ARPC5L: variants seen among roughly 807,000 people sequenced by gnomAD.
ARPC5L encodes actin related protein 2/3 complex subunit 5 like.
Under a neutral mutation model 16.9 loss-of-function variants are expected in ARPC5L, and 4 were observed. The ratio of observed to expected loss-of-function variants is 0.24; its 90% CI spans 0.12 to 0.54. ARPC5L has a LOEUF of 0.54. Among genes scored for constraint, ARPC5L ranks in the 20% least tolerant of loss-of-function variants. The probability of loss-of-function intolerance (pLI) is 0.95; values close to 1 mark genes in which losing one functional copy is unlikely to be tolerated. For synonymous variants in ARPC5L, 78 were observed against 82.6 expected (o/e 0.94, Z 0.30); for missense variants, 151 against 201.9 (o/e 0.75, Z 1.53).
chr9:124,869,622 C>G (rs902527300), intron 3 of ARPC5L, among the ~76,000 whole-genome samples, 183 bp downstream of exon 3: 27 of 152,216 alleles, frequency 1.8e-4, no homozygotes. Flanking sequence ...CCCAGTCTCC[C>G]TGGGTCCCTC....
intron 4 of ARPC5L, among the ~76,000 whole-genome samples, chr9:124,874,346 T>A (rs1829402476): frequency 6.6e-6 from 1 of 152,178 alleles, no homozygotes; most frequent in African/African-American, 2.4e-5. Flanking sequence ...GGTTTTATTT[T>A]TATTTTTTAA....
Position 124,874,970 on chromosome 9 carries a change from T to G in ARPC5L, c.223-5T>G, listed in dbSNP as rs774080341. The G allele has an allele frequency of 8.7e-6, 14 of 1,613,678 alleles. No individual in the cohort carries two copies. The highest frequency in any genetic ancestry group is 1.3e-5 in the African/African-American group (1 of 75,054). ...TGGGACTCACTTGCTCTTTTTCGTC[T>G]GCAGGAGCGAGCCCAGGGCGTGGTG... is the stretch of plus-strand genomic sequence containing the variant. On this transcript the variant is annotated splice_region_variant and splice_polypyrimidine_tract_variant and intron_variant, in intron 4 of 5. Coordinates refer to ENST00000353214, the MANE Select transcript of ARPC5L (RefSeq NM_030978.3).
intron 2 of ARPC5L, among the ~76,000 whole-genome samples, chr9:124,867,981 G>A (rs1829295985): frequency 6.6e-6 from 1 of 151,886 alleles, no homozygotes; most frequent in Non-Finnish European, 1.5e-5. Context: ...GGCTAATTTT[G>A]TATTTCTAGT....
chr9:124,869,199 C>T lies in ARPC5L; in HGVS notation c.-92C>T, dbSNP rs774249098. 4 of 1,322,432 alleles carry T rather than the reference C, an allele frequency of 3.0e-6. No homozygotes were observed. The highest frequency in any genetic ancestry group is 4.2e-5 in the Admixed American group (1 of 24,018). 81.9% of individuals were successfully genotyped at this position (1,322,432 alleles called of 1,614,324 possible). ...GGTGCTGGGAGCAGCCGGGCAGCCG[C>T]TTCCCGCCCCCGAGCAGGAGCCGGT... On this transcript the variant is annotated 5_prime_UTR_variant, in exon 3 of 6. Coordinates refer to ENST00000353214, the MANE Select transcript of ARPC5L (RefSeq NM_030978.3).
Position 124,875,118 on chromosome 9 carries a change from T to C in ARPC5L, c.366T>C (p.Asn122=). 1 of 1,614,054 alleles carries C rather than the reference T, an allele frequency of 6.2e-7. No homozygotes were observed. The highest frequency in any genetic ancestry group is 8.5e-7 in the Non-Finnish European group (1 of 1,179,946). The change falls in exon 5 of 6, where the codon AAT becomes AAC. Residue 122 remains asparagine, a synonymous_variant. Transcript: ENST00000353214. ...AAGGCTTTGAGAAGCCCACAGAAAA[T>C]AGCAGCGCAGTGTTACTCCAGTGGC... ...IYKGFEKPTE[N]SSAVLLQWHE... is the part of the protein sequence containing the mutation.
chr9:124,870,377 C>G, intron 3 of ARPC5L, among the ~76,000 whole-genome samples: 1 of 151,986 alleles, frequency 6.6e-6, no homozygotes, highest in East Asian at 1.9e-4. Context: ...TTTCTTTATT[C>G]AAATGGTGTT....
At chr9:124,873,815 T>C (rs1829394610) in intron 4 of ARPC5L, 51 bp downstream of exon 4, 1 of 1,596,870 alleles carries the variant, frequency 6.3e-7, no homozygotes, top group South Asian at 1.1e-5. Flanking sequence ...ACCAGGGCTG[T>C]GGGTGTCTGC....
chr9:124,863,290 G>A (rs1829229753), intron 1 of ARPC5L, among the ~76,000 whole-genome samples: 1 of 152,144 alleles, frequency 6.6e-6, no homozygotes, highest in Admixed American at 6.6e-5. Flanking sequence ...CAGTAACTGG[G>A]ACTACAGGTG....
At chr9:124,865,070 G>A (rs1198606660) in intron 2 of ARPC5L, among the ~76,000 whole-genome samples, 1 of 152,154 alleles carries the variant, frequency 6.6e-6, no homozygotes, top group African/African-American at 2.4e-5. Flanking sequence ...GACCTCAGGT[G>A]ATCCACCTGT....
Position 124,869,361 on chromosome 9 carries a change from T to A in ARPC5L, c.71T>A (p.Val24Glu), listed in dbSNP as rs574067052. ...GACGAATTTGACGAGAACAAATTTG[T>A]GGACGAGCAGGAGGAGGCGGCGGCG... The part of the protein sequence containing the change: ...DIDEFDENKF[V>E]DEQEEAAAAA... The change falls in exon 3 of 6, where the codon GTG becomes GAG. Residue 24 changes from valine to glutamate, a missense_variant. Val to Glu is a moderately radical substitution (Grantham distance 121). Coordinates refer to ENST00000353214, the MANE Select transcript of ARPC5L (RefSeq NM_030978.3). 6.5e-7 allele frequency: 1 copy of A among 1,531,222 alleles called. No homozygotes were observed. Among genetic ancestry groups the A allele is most frequent in the African/African-American group, 1.4e-5 (1 of 69,866 alleles). The allele number at this position is 1,531,222 out of a possible 1,614,324, so 94.9% of individuals were successfully genotyped here.
At chr9:124,872,410 A>G (rs1444420175) in intron 3 of ARPC5L, among the ~76,000 whole-genome samples, 1 of 152,130 alleles carries the variant, frequency 6.6e-6, no homozygotes, top group Non-Finnish European at 1.5e-5. Flanking sequence ...CCTGGCTAAC[A>G]CAGTGAAACC....
At chr9:124,872,076 C>T (rs1829368247) in intron 3 of ARPC5L, among the ~76,000 whole-genome samples, 1 of 152,198 alleles carries the variant, frequency 6.6e-6, no homozygotes, top group African/African-American at 2.4e-5. Context: ...TGAAGGCCCT[C>T]ACCCATCAAT....
chr9:124,873,645 G>T, intron 3 of ARPC5L, 47 bp from the exon 4 acceptor site: 1 of 1,602,626 alleles, frequency 6.2e-7, no homozygotes, highest in Non-Finnish European at 8.5e-7. Context: ...GTTCATGACG[G>T]CATGGATGTG....
At chr9:124,865,195 T>G (rs1027616425) in intron 2 of ARPC5L, among the ~76,000 whole-genome samples, 26 of 148,692 alleles carry the variant, frequency 1.7e-4, no homozygotes, top group Non-Finnish European at 3.0e-4. Context: ...TGCACGCCTG[T>G]AATCCCAGCT....
At chr9:124,863,928 C>G (rs1379797153) in intron 1 of ARPC5L, 60 bp from the exon 2 acceptor site, 1 of 152,236 alleles carries the variant, frequency 6.6e-6, no homozygotes, top group Non-Finnish European at 1.5e-5. Flanking sequence ...CTGTGCAATC[C>G]TTTCCTTAGC....
At chr9:124,863,081 G>A (rs1829225726) in intron 1 of ARPC5L, among the ~76,000 whole-genome samples, 1 of 151,644 alleles carries the variant, frequency 6.6e-6, no homozygotes, top group Non-Finnish European at 1.5e-5. Context: ...CGCCCTCCTC[G>A]GCCTCCCAGA....
intron 2 of ARPC5L, among the ~76,000 whole-genome samples, chr9:124,867,701 C>T (rs1258202720): frequency 6.6e-6 from 1 of 152,074 alleles, no homozygotes; most frequent in Non-Finnish European, 1.5e-5. Context: ...TGAATTTCTG[C>T]TGTCTCGTGG....
intron 3 of ARPC5L, among the ~76,000 whole-genome samples, chr9:124,872,102 T>C (rs1829368540): frequency 6.6e-6 from 1 of 152,218 alleles, no homozygotes; most frequent in Non-Finnish European, 1.5e-5. Flanking sequence ...GAGTGATTGC[T>C]GGACGCGTGG....
intron 4 of ARPC5L, 32 bp from the exon 5 acceptor site, chr9:124,874,943 T>C (rs1430821391): frequency 6.2e-7 from 1 of 1,612,610 alleles, no homozygotes; most frequent in East Asian, 2.2e-5. Flanking sequence ...CCTTCGCAGC[T>C]CTGGGACTCA....
Sources: gnomAD v4.1 joint callset for allele counts (sites outside exome capture counted in the v4.1 genomes callset) on GRCh38, gnomAD v4.1.1 for gene constraint, MANE v1.5 for transcripts, NCBI Gene and HGNC (gene_info 2026-07-23, HGNC 2026-07-21) for gene names.